Variants in DSCAML1 observed in about 807,000 individuals in gnomAD.
DSCAML1 encodes DS cell adhesion molecule like 1.
DSCAML1 carries 38 observed loss-of-function variants against 200.5 expected under a neutral mutation model. That is an observed-to-expected ratio of 0.19 (90% CI 0.15 to 0.25). The LOEUF (loss-of-function observed/expected upper bound fraction) is 0.25. Ranked by LOEUF, DSCAML1 falls within the 10% of genes least tolerant of loss-of-function variation. The pLI is 1.00. For missense variants in DSCAML1, 2,223 were observed against 2,858.8 expected (o/e 0.78, Z 5.07); for synonymous variants, 1,215 against 1,165.0 (o/e 1.04, Z -0.87).
chr11:117,506,896 G>A (rs2049510446), intron 8 of DSCAML1, among the ~76,000 whole-genome samples: 1 of 152,174 alleles, frequency 6.6e-6, no homozygotes. Context: ...GCAGGAAAGA[G>A]CAGAGAGGAA....
At chr11:117,784,947 A>G (rs955350850) in intron 1 of DSCAML1, among the ~76,000 whole-genome samples, 3 of 152,084 alleles carry the variant, frequency 2.0e-5, no homozygotes. Context: ...TACTGCAGGG[A>G]TGGAAGGGCA....
At chr11:117,785,425 G>A (rs1204803730) in intron 1 of DSCAML1, among the ~76,000 whole-genome samples, 3 of 152,202 alleles carry the variant, frequency 2.0e-5, no homozygotes, top group African/African-American at 4.8e-5. Flanking sequence ...CCCAACAACA[G>A]TGGGTGAGGC....
At chr11:117,429,403 T>G (rs1219475550) in intron 32 of DSCAML1, among the ~76,000 whole-genome samples, 2 of 152,172 alleles carry the variant, frequency 1.3e-5, no homozygotes, top group Non-Finnish European at 2.9e-5. Context: ...GGTGGAAAGT[T>G]CCTAATTTCT....
intron 3 of DSCAML1, among the ~76,000 whole-genome samples, chr11:117,769,500 AATATATATTTTATATATATT>A (rs2054994018): frequency 1.0e-4 from 1 of 9,796 alleles, no homozygotes; most frequent in African/African-American, 2.7e-4. Context: ...TTATATATAT[AATATATATTTTATATATATT>A]ATATATATTT....
chr11:117,438,413 C>T (rs1207150657), intron 24 of DSCAML1, among the ~76,000 whole-genome samples: 1 of 152,086 alleles, frequency 6.6e-6, no homozygotes, highest in Non-Finnish European at 1.5e-5. Flanking sequence ...CACAAGGGGT[C>T]CTGTCTAGAT....
chr11:117,814,683 G>T (rs966356797), intron 1 of DSCAML1, among the ~76,000 whole-genome samples: 2 of 152,216 alleles, frequency 1.3e-5, no homozygotes, highest in African/African-American at 2.4e-5. Context: ...AAGCAGTGGG[G>T]CCTCAGATGT....
At chr11:117,459,917 C>A (rs920721369) in intron 18 of DSCAML1, among the ~76,000 whole-genome samples, 1 of 152,228 alleles carries the variant, frequency 6.6e-6, no homozygotes, top group Non-Finnish European at 1.5e-5. Context: ...CTGTGCCCAG[C>A]GTGAGAAGAC....
chr11:117,599,089 C>T (rs373541169), intron 3 of DSCAML1, among the ~76,000 whole-genome samples: 1 of 152,226 alleles, frequency 6.6e-6, no homozygotes, highest in East Asian at 1.9e-4. Flanking sequence ...AACAATGAAA[C>T]ATTCCGTTGC....
intron 1 of DSCAML1, among the ~76,000 whole-genome samples, chr11:117,802,998 AACT>A (rs957729851): frequency 6.6e-6 from 1 of 151,890 alleles, no homozygotes; most frequent in Non-Finnish European, 1.5e-5. Context: ...AATAGAGTTT[AACT>A]ACTGTCAATC....
intron 11 of DSCAML1, among the ~76,000 whole-genome samples, chr11:117,488,843 C>T (rs2049133311): frequency 6.6e-6 from 1 of 152,220 alleles, no homozygotes; most frequent in African/African-American, 2.4e-5. Flanking sequence ...AAGTACTTTG[C>T]ATGAATGAAC....
rs556238498 is a variant in DSCAML1 at position 117,675,008 on chromosome 11, G to A, written c.511+101783C>T. Among the ~76,000 whole-genome samples, 14 of 152,268 alleles carry A rather than the reference G, an allele frequency of 9.2e-5. 1 individual carries two copies. In the East Asian group the frequency reaches 1.4e-3, roughly 15 times the overall value. On this transcript the variant is annotated intron_variant, in intron 3 of 32. Transcript: ENST00000651296. ...CTTAAGAGAGCAGATGCCAGAACCC[G>A]CTGCCTGGGCTCAAATCCTGGCTGT...
chr11:117,483,386 G>A (rs981495833), intron 11 of DSCAML1, among the ~76,000 whole-genome samples: 24 of 152,212 alleles, frequency 1.6e-4, no homozygotes, highest in African/African-American at 5.5e-4. Flanking sequence ...CATTAACTTT[G>A]ACTGAGGGGC....
Position 117,780,235 on chromosome 11 carries a change from AG to A in DSCAML1, c.364+257del, listed in dbSNP as rs2055215093. Among the ~76,000 whole-genome samples, 1 of 49,294 alleles carries A rather than the reference AG, an allele frequency of 2.0e-5. No homozygotes were observed. The highest frequency in any genetic ancestry group is 2.0e-4 in the Admixed American group (1 of 5,106). 32.3% of individuals were successfully genotyped at this position (49,294 alleles called of 152,430 possible). A position where few individuals can be genotyped will look rare whatever the true frequency, so the allele number is the denominator to read the frequency against. ...AGAGAGAGAGAAAGAAAGAAAGGAAAGAAAGAAAGAAAGAAAGAAAGAAAGA... is the reference window on the plus strand; with the variant it reads ...AGAGAGAGAGAAAGAAAGAAAGGAAAAAAGAAAGAAAGAAAGAAAGAAAGA... On this transcript the variant is annotated intron_variant, in intron 2 of 32. Coordinates refer to ENST00000651296, the MANE Select transcript of DSCAML1 (RefSeq NM_020693.4). This position sits in a 1 kb window ranked among gnomAD's most constrained non-coding sequence, Gnocchi z 4.8.
chr11:117,433,151 G>A lies in DSCAML1; in HGVS notation c.5013C>T (p.Gly1671=). The change falls in exon 29 of 33, where the codon GGC becomes GGT. Residue 1671 remains glycine (G), a synonymous_variant. Transcript: ENST00000651296. Reference sequence around the variant, plus strand: ...CCTGTCACTCACCCAGTTGCTTGATGCCTTCTTTGTCCTCGATGAGCAGCT... The same window carrying A: ...CCTGTCACTCACCCAGTTGCTTGATACCTTCTTTGTCCTCGATGAGCAGCT... ...RVQLLIEDKE[G]IKQLGDDKAT... is the part of the protein sequence containing the mutation. 6.2e-7 allele frequency: 1 copy of A among 1,613,860 alleles called. No homozygotes were observed. Among genetic ancestry groups the A allele is most frequent in the East Asian group, 2.2e-5 (1 of 44,872 alleles).
At chr11:117,619,477 G>C (rs1358751809) in intron 3 of DSCAML1, among the ~76,000 whole-genome samples, 1 of 152,236 alleles carries the variant, frequency 6.6e-6, no homozygotes, top group Non-Finnish European at 1.5e-5. Flanking sequence ...TAACCCTATA[G>C]ACCACAGAGT....
chr11:117,454,872 A>G (rs1396655482), intron 19 of DSCAML1, among the ~76,000 whole-genome samples: 1 of 152,162 alleles, frequency 6.6e-6, no homozygotes, highest in Non-Finnish European at 1.5e-5. Flanking sequence ...TTACCCTTAG[A>G]GTGCTGTCCT....
chr11:117,438,379 G>A (rs1411441314), intron 24 of DSCAML1, among the ~76,000 whole-genome samples: 3 of 152,154 alleles, frequency 2.0e-5, no homozygotes, highest in Admixed American at 6.5e-5. Context: ...GTTCGGGAGG[G>A]GAGAAAACCA....
chr11:117,797,035 T>C lies in DSCAML1; in HGVS notation c.45A>G (p.Lys15=). Residue 15 remains lysine, a splice_region_variant and synonymous_variant, in exon 1 of 33, where the codon AAA becomes AAG. Transcript: ENST00000651296. The part of the protein sequence containing the change: ...TFLLLLDSLH[K]ARPEDVGTSL... ...CCCAGCCGCCCGCGCAGGTCTCACC[T>C]TTGTGTAAAGAGTCCAGGAGCAGGA... 6.6e-7 allele frequency: 1 copy of C among 1,519,520 alleles called. No homozygotes were observed. The highest frequency in any genetic ancestry group is 1.4e-5 in the African/African-American group (1 of 69,800). The allele number at this position is 1,519,520 out of a possible 1,614,324, so 94.1% of individuals were successfully genotyped here.
intron 20 of DSCAML1, among the ~76,000 whole-genome samples, chr11:117,447,149 G>A (rs1227268518): frequency 3.9e-5 from 6 of 152,122 alleles, no homozygotes; most frequent in African/African-American, 9.7e-5. Flanking sequence ...TTAGCCAGGC[G>A]TGGTGATGTG....
Sources: allele counts gnomAD v4.1 joint callset (sites outside exome capture counted in the v4.1 genomes callset), GRCh38; gene constraint gnomAD v4.1.1; non-coding constraint Gnocchi (gnomAD v3.1); transcripts MANE v1.5; gene names NCBI Gene and HGNC (gene_info 2026-07-23, HGNC 2026-07-21).